PPP2R3A: variants seen among roughly 807,000 people sequenced by gnomAD.
PPP2R3A encodes protein phosphatase 2 regulatory subunit B''alpha, also known as serine/threonine-protein phosphatase 2A regulatory subunit B'' subunit alpha.
PPP2R3A carries 80 observed loss-of-function variants against 106.9 expected under a neutral mutation model. The observed-to-expected ratio is 0.75, with a 90% CI of 0.62 to 0.90. The LOEUF is 0.90. PPP2R3A is among the 40% of genes least tolerant of loss of function. The pLI, the probability that PPP2R3A is intolerant of heterozygous loss-of-function variation, is 0.00. For missense variants in PPP2R3A, 1,386 were observed against 1,350.4 expected (o/e 1.03, Z -0.41); for synonymous variants, 483 against 468.3 (o/e 1.03, Z -0.41).
rs1939144340 is a variant in PPP2R3A, at chr3:136,146,778, G to C, written c.*1612G>C. 6.6e-6 allele frequency: 1 copy of C among 150,952 alleles called. No homozygotes were observed. The allele number at this position is 150,952 out of a possible 1,614,324, so 9.4% of individuals were successfully genotyped here. A position where few individuals can be genotyped will look rare whatever the true frequency, so the allele number is the denominator to read the frequency against. On this transcript the variant is annotated 3_prime_UTR_variant, in exon 14 of 14. Transcript: ENST00000264977. ...CACACTGATAAATTATTAAGATTAA[G>C]ATTATTTATGTGATAAATGAAATCT...
intron 7 of PPP2R3A, chr3:136,079,379 G>T: frequency 7.5e-5 from 13 of 173,524 alleles, no homozygotes; most frequent in South Asian, 3.5e-4. Context: ...ATAGGTTGTA[G>T]TTTCTGAATC....
intron 8 of PPP2R3A, among the ~76,000 whole-genome samples, chr3:136,085,069 G>A (rs111364792): frequency 0.04 from 6,108 of 152,258 alleles, 441 homozygotes; most frequent in African/African-American, 0.14. Context: ...TGGTTTTGAA[G>A]TGTGGGGATC....
Position 136,134,736 on chromosome 3 carries a change from A to G in PPP2R3A, c.3330-10307A>G, listed in dbSNP as rs931341767. On this transcript the variant is annotated intron_variant, in intron 13 of 13. Transcript: ENST00000264977. The stretch of plus-strand genomic sequence containing the variant: ...AATGAGCGTGTACTGTATTACTTTA[A>G]CAAATGGGAAAAAATTATTTTTCTC... Among the ~76,000 whole-genome samples the G allele has an allele frequency of 5.3e-5, 8 of 151,078 alleles. No individual in the cohort carries two copies. The East Asian group carries it at 1.2e-3, about 23-fold the overall frequency.
At chr3:136,041,271 T>G (rs1464085076) in intron 4 of PPP2R3A, among the ~76,000 whole-genome samples, 3 of 142,900 alleles carry the variant, frequency 2.1e-5, no homozygotes, top group Non-Finnish European at 3.0e-5. Flanking sequence ...TGTTTTTTTT[T>G]TTTTGAGACA....
chr3:136,056,490 AAAAC>A (rs755510370), intron 5 of PPP2R3A, among the ~76,000 whole-genome samples: 6 of 131,942 alleles, frequency 4.5e-5, no homozygotes, highest in Non-Finnish European at 8.3e-5. Flanking sequence ...CTAAAAAAAA[AAAAC>A]CAGTTATTTT....
intron 10 of PPP2R3A, among the ~76,000 whole-genome samples, chr3:136,100,967 C>T (rs112047499): frequency 2.0e-5 from 3 of 152,180 alleles, no homozygotes; most frequent in East Asian, 1.9e-4. Flanking sequence ...CTGCCATGCT[C>T]TTTCATTCAA....
At chr3:136,117,388 A>G (rs965048509) in intron 13 of PPP2R3A, among the ~76,000 whole-genome samples, 9 of 152,254 alleles carry the variant, frequency 5.9e-5, no homozygotes, top group Non-Finnish European at 1.0e-4. Context: ...AGATCAGAGC[A>G]GAACTGAAAG....
Position 136,003,125 on chromosome 3 carries a change from C to G in PPP2R3A, c.1627C>G (p.His543Asp). ...TAAAAACTCTAATTTTTTAAATAGT[C>G]ACAGTCAGTTGACCGGTCAGACCCT... ...KGKNSNFLNS[H>D]SQLTGQTLVD... Residue 543 changes from histidine (H) to aspartate (D), a missense_variant, in exon 2 of 14, where the codon CAC becomes GAC. Physicochemically the swap from His to Asp is moderately conservative, Grantham distance 81 (BLOSUM62 -1). Coordinates refer to ENST00000264977, the MANE Select transcript of PPP2R3A (RefSeq NM_002718.5). 1 of 1,612,524 alleles carries G rather than the reference C, an allele frequency of 6.2e-7. No homozygotes were observed. Among genetic ancestry groups the G allele is most frequent in the East Asian group, 2.2e-5 (1 of 44,866 alleles).
At chr3:135,966,382 GATTCCCGGCCCGCCAGGA>G (rs1231405020) in intron 1 of PPP2R3A, among the ~76,000 whole-genome samples, 1 of 152,170 alleles carries the variant, frequency 6.6e-6, no homozygotes, top group African/African-American at 2.4e-5. Context: ...CCGCGGACGG[GATTCCCGGCCCGCCAGGA>G]GCCGGGGTAC....
chr3:136,021,138 C>T (rs1027844092), intron 2 of PPP2R3A, among the ~76,000 whole-genome samples: 1 of 151,942 alleles, frequency 6.6e-6, no homozygotes, highest in Admixed American at 6.6e-5. Context: ...GTCTAAAGGC[C>T]TAGTTGCATT....
chr3:136,070,568 T>C lies in PPP2R3A; in HGVS notation c.2544+16T>C. ...CATCACCACGGTAGGCTGAGTCATC[T>C]TTTTTCTTAATATAACTCCATAAGT... is the stretch of plus-strand genomic sequence containing the variant. On this transcript the variant is annotated intron_variant, in intron 6 of 13. Transcript: ENST00000264977. 6.3e-7 allele frequency: 1 copy of C among 1,589,752 alleles called. No homozygotes were observed. Among genetic ancestry groups the C allele is most frequent in the Non-Finnish European group, 8.6e-7 (1 of 1,167,780 alleles).
intron 2 of PPP2R3A, among the ~76,000 whole-genome samples, chr3:136,018,937 G>A (rs1934370692): frequency 6.6e-6 from 1 of 152,168 alleles, no homozygotes; most frequent in Non-Finnish European, 1.5e-5. Flanking sequence ...GGCAGGAAAG[G>A]AACCCCAGAC....
chr3:136,043,030 C>T (rs1053396724), intron 4 of PPP2R3A, among the ~76,000 whole-genome samples: 11 of 150,814 alleles, frequency 7.3e-5, no homozygotes, highest in African/African-American at 2.4e-4. Context: ...TATATTAAAA[C>T]TTTCAAATAA....
At position 136,002,395 on chromosome 3, in the gene PPP2R3A, T is replaced by G. The variant is rs1398389473; in HGVS notation, c.897T>G (p.Ser299=). ...AGTTACCATTTGAATTCATGCAGTC[T>G]GGGAATAATGAGGCTCTAGATTTAA... The part of the protein sequence containing the change: ...LKKLPFEFMQ[S]GNNEALDLTE... The change falls in exon 2 of 14, where the codon TCT becomes TCG. Residue 299 remains serine, a synonymous_variant. Transcript: ENST00000264977. 2 of 1,614,028 alleles carry G rather than the reference T, an allele frequency of 1.2e-6. No individual in the cohort carries two copies. Among genetic ancestry groups the G allele is most frequent in the South Asian group, 2.2e-5 (2 of 91,076 alleles).
intron 5 of PPP2R3A, among the ~76,000 whole-genome samples, chr3:136,063,688 A>G (rs1233586168): frequency 6.6e-6 from 1 of 151,978 alleles, no homozygotes; most frequent in Admixed American, 6.6e-5. Context: ...ACTGGCCATC[A>G]GAGAAATGCA....
rs1244413714 is a variant in PPP2R3A at position 136,001,631 on chromosome 3, A to G, written c.133A>G (p.Ile45Val). 9.3e-6 allele frequency: 15 copies of G among 1,614,170 alleles called. No homozygotes were observed. The highest frequency in any genetic ancestry group is 8.5e-6 in the Non-Finnish European group (10 of 1,180,022). The change falls in exon 2 of 14, where the codon ATT (isoleucine) becomes GTT (valine). Residue 45 changes from isoleucine to valine, a missense_variant. By Grantham distance (29) the Ile-to-Val change is conservative. Coordinates refer to ENST00000264977, the MANE Select transcript of PPP2R3A (RefSeq NM_002718.5). The stretch of plus-strand genomic sequence containing the variant: ...CACCTTCACACATGGAATTGACTGC[A>G]TTGTGGTACACCATAGTGTTTGTGC... ...CHTFTHGIDC[I>V]VVHHSVCADL...
chr3:136,026,399 A>G (rs920730374), intron 2 of PPP2R3A, among the ~76,000 whole-genome samples: 14 of 152,156 alleles, frequency 9.2e-5, no homozygotes, highest in African/African-American at 3.4e-4. Flanking sequence ...CTTTTCGGAT[A>G]TATATATTTA....
chr3:135,967,648 A>C (rs951036857), intron 1 of PPP2R3A, among the ~76,000 whole-genome samples: 4 of 152,130 alleles, frequency 2.6e-5, no homozygotes, highest in Non-Finnish European at 5.9e-5. Context: ...CATAGTCCCC[A>C]CTGATCTGGC....
chr3:136,128,423 G>A (rs1458675374), intron 13 of PPP2R3A, among the ~76,000 whole-genome samples: 4 of 151,222 alleles, frequency 2.6e-5, no homozygotes, highest in African/African-American at 9.7e-5. Flanking sequence ...AGACAAAGAA[G>A]GCCATTACAT....
Sources: allele counts gnomAD v4.1 joint callset (sites outside exome capture counted in the v4.1 genomes callset), GRCh38; gene constraint gnomAD v4.1.1; transcripts MANE v1.5; gene names NCBI Gene and HGNC (gene_info 2026-07-23, HGNC 2026-07-21).